The following NRK variants were observed in gnomAD, a reference collection of about 807,000 sequenced individuals.
The protein encoded by NRK is nik-related protein kinase.
Under a neutral mutation model 125.2 loss-of-function variants are expected in NRK, and 67 were observed. That is an observed-to-expected ratio of 0.54 (90% CI 0.44 to 0.66). The LOEUF (loss-of-function observed/expected upper bound fraction) is 0.66, where lower values mean the gene tolerates loss of function less well. Among genes scored for constraint, NRK ranks in the 30% least tolerant of loss-of-function variants. NRK has a pLI of 0.00. For missense variants in NRK, 1,224 were observed against 1,192.9 expected, an observed-to-expected ratio of 1.03 and a Z score of -0.38; for synonymous variants, 458 against 429.0, an observed-to-expected ratio of 1.07 and a Z score of -0.84.
At chrX:105,905,008 T>C (rs1480884442) in intron 9 of NRK, among the ~76,000 whole-genome samples, 1 of 112,599 alleles carries the variant, frequency 8.9e-6, no homozygotes. Flanking sequence ...CAACTATACA[T>C]TTCAAATATT....
intron 2 of NRK, among the ~76,000 whole-genome samples, chrX:105,844,438 G>C (rs777247653): frequency 8.9e-6 from 1 of 112,006 alleles, no homozygotes; most frequent in African/African-American, 3.2e-5. Context: ...CAAAATGTTT[G>C]TTGGAATCTG....
chrX:105,844,519 A>G (rs2039376270), intron 2 of NRK, among the ~76,000 whole-genome samples: 1 of 112,227 alleles, frequency 8.9e-6, no homozygotes, highest in South Asian at 3.7e-4. Context: ...GGGACTTCTC[A>G]GGCAGATCTG....
chrX:105,909,169 C>A lies in NRK; in HGVS notation c.1528C>A (p.Pro510Thr). ...GCAGGCCCAGACCCAGACATCAGAACCACAAGATTTGGACCAGGTACCAGA... is the reference window on the plus strand; with the variant it reads ...GCAGGCCCAGACCCAGACATCAGAAACACAAGATTTGGACCAGGTACCAGA... ...KQQAQTQTSE[P>T]QDLDQVPEEF... Residue 510 changes from proline (P) to threonine (T), a missense_variant, in exon 13 of 29, where the codon CCA (proline) becomes ACA (threonine). Coordinates refer to ENST00000243300, the MANE Select transcript of NRK (RefSeq NM_198465.4). 1 of 1,211,256 alleles carries A rather than the reference C, an allele frequency of 8.3e-7. No individual in the cohort carries two copies. The highest frequency in any genetic ancestry group is 1.1e-6 in the Non-Finnish European group (1 of 895,240).
chrX:105,900,525 C>T, intron 8 of NRK, 93 bp from the exon 9 acceptor site: 1 of 547,587 alleles, frequency 1.8e-6, no homozygotes, highest in Non-Finnish European at 3.1e-6. Flanking sequence ...CTGGCATTGA[C>T]ATCCACACCC....
chrX:105,949,755 T>G lies in NRK; in HGVS notation c.4513+21T>G. The G allele has an allele frequency of 2.8e-6, 3 of 1,076,772 alleles. No individual in the cohort carries two copies. The South Asian group carries it at 6.6e-5, about 24-fold the overall frequency. 88.7% of individuals were successfully genotyped at this position (1,076,772 alleles called of 1,213,427 possible). A position where few individuals can be genotyped will look rare whatever the true frequency, so the allele number is the denominator to read the frequency against. ...TATAGGTATGTATACAATTTATTTCTTCTTCAGGACCCCAGAGAAAATTTA... is the reference window on the plus strand; with the variant it reads ...TATAGGTATGTATACAATTTATTTCGTCTTCAGGACCCCAGAGAAAATTTA... On this transcript the variant is annotated intron_variant, in intron 27 of 28. Coordinates refer to ENST00000243300, the MANE Select transcript of NRK (RefSeq NM_198465.4).
In NRK at chrX:105,885,800, A is replaced by G. The variant is rs779726654; in HGVS notation, c.253-2494A>G. Among the ~76,000 whole-genome samples the G allele has an allele frequency of 4.5e-5, 5 of 112,188 alleles. No individual in the cohort carries two copies. The South Asian group carries it at 1.8e-3, about 41-fold the overall frequency. On this transcript the variant is annotated intron_variant, in intron 4 of 28. Transcript: ENST00000243300. Reference sequence around the variant, plus strand: ...CGGAGTAATTCAAAGAAGTCAAATAACAATGATATTTTGTGATAATACATT... The same window carrying G: ...CGGAGTAATTCAAAGAAGTCAAATAGCAATGATATTTTGTGATAATACATT...
In NRK at chrX:105,905,300, G is replaced by A. The variant is rs879071844; in HGVS notation, c.802G>A (p.Val268Ile). ...CCTTCAACCCTTGGAAGCTCTCTTC[G>A]TTATTTTGCGGGAATCTGCTCCCAC... ...CNLQPLEALF[V>I]ILRESAPTVK... The change falls in exon 10 of 29, where the codon GTT becomes ATT. Residue 268 changes from valine to isoleucine, a missense_variant. Transcript: ENST00000243300. 9.1e-6 allele frequency: 11 copies of A among 1,205,149 alleles called. No homozygotes were observed. Among genetic ancestry groups the A allele is most frequent in the Middle Eastern group, 2.3e-4 (1 of 4,367 alleles).
intron 2 of NRK, among the ~76,000 whole-genome samples, chrX:105,870,985 A>G (rs186333188): frequency 9.5e-4 from 106 of 111,808 alleles, no homozygotes; most frequent in Non-Finnish European, 1.6e-3. Flanking sequence ...GGGTATGTTA[A>G]GAAAAAAAAA....
In NRK at chrX:105,908,261, G is replaced by A. The variant is rs2040244526; in HGVS notation, c.1043G>A (p.Arg348Lys). Reference sequence around the variant, plus strand: ...AAAGGAATACCTTTGATCTTTGAAAGAGAAGAAGCTATTAAGGAACAGTAC... The same window carrying A: ...AAAGGAATACCTTTGATCTTTGAAAAAGAAGAAGCTATTAAGGAACAGTAC... Reference protein sequence around the residue: ...QKKGIPLIFEREEAIKEQYTV... With the variant: ...QKKGIPLIFEKEEAIKEQYTV... Residue 348 changes from arginine (R) to lysine (K), a missense_variant, in exon 12 of 29, where the codon AGA becomes AAA. Arg to Lys is a conservative substitution (Grantham distance 26). Transcript: ENST00000243300. 2.7e-6 allele frequency: 3 copies of A among 1,105,656 alleles called. No homozygotes were observed. The highest frequency in any genetic ancestry group is 3.8e-5 in the African/African-American group (2 of 53,274). 91.1% of individuals were successfully genotyped at this position (1,105,656 alleles called of 1,213,427 possible).
upstream of NRK, among the ~76,000 whole-genome samples, chrX:105,822,207 C>G (rs2039028715): frequency 1.8e-5 from 2 of 110,432 alleles, no homozygotes; most frequent in Admixed American, 1.9e-4. Flanking sequence ...GGGAGCGGCG[C>G]GGAGCGAGAC....
At chrX:105,826,247 TATG>T (rs2039099572) in intron 1 of NRK, among the ~76,000 whole-genome samples, 1 of 85,021 alleles carries the variant, frequency 1.2e-5, no homozygotes, top group Middle Eastern at 5.6e-3. Flanking sequence ...ATATAATATA[TATG>T]ATAATATATA....
At chrX:105,895,329 T>A (rs1195957532) in intron 6 of NRK, 104 bp from the exon 7 acceptor site, 2 of 620,309 alleles carry the variant, frequency 3.2e-6, no homozygotes, top group Non-Finnish European at 2.7e-6. Flanking sequence ...GTTTCTCTTA[T>A]CAAAAGTTTT....
At chrX:105,919,990 A>T (rs1485907969) in intron 16 of NRK, among the ~76,000 whole-genome samples, 32 of 103,493 alleles carry the variant, frequency 3.1e-4, no homozygotes, top group Admixed American at 1.1e-4. Flanking sequence ...CTGAATGGTA[A>T]TGCCTAGGTT....
At chrX:105,921,858 G>GAA in intron 16 of NRK, 106 bp from the exon 17 acceptor site, 23 of 302,390 alleles carry the variant, frequency 7.6e-5, no homozygotes, top group Admixed American at 1.1e-4. Flanking sequence ...AAATGACCAA[G>GAA]AAAAAAAAAA....
At chrX:105,870,882 G>A (rs1009275213) in intron 2 of NRK, among the ~76,000 whole-genome samples, 1 of 111,527 alleles carries the variant, frequency 9.0e-6, no homozygotes, top group Admixed American at 9.5e-5. Context: ...TATTCTGTTG[G>A]ATTATTCTGG....
intron 1 of NRK, among the ~76,000 whole-genome samples, chrX:105,826,401 A>AATATATATATAAT (rs2039113536): frequency 1.3e-5 from 1 of 77,849 alleles, no homozygotes; most frequent in African/African-American, 4.9e-5. Context: ...ATATATATAT[A>AATATATATATAAT]ATATATATAT....
chrX:105,927,720 T>C (rs968229779), intron 19 of NRK, among the ~76,000 whole-genome samples: 1 of 111,476 alleles, frequency 9.0e-6, no homozygotes, highest in African/African-American at 3.2e-5. Flanking sequence ...CTTTTTTTGG[T>C]ATCTTTTCAC....
intron 11 of NRK, among the ~76,000 whole-genome samples, chrX:105,906,886 T>C (rs1468656274): frequency 9.2e-6 from 1 of 108,789 alleles, no homozygotes; most frequent in Non-Finnish European, 1.9e-5. Context: ...AATAAAGTTT[T>C]GTGATATGCC....
At chrX:105,925,760 G>T (rs1346239245) in intron 19 of NRK, among the ~76,000 whole-genome samples, 1 of 111,413 alleles carries the variant, frequency 9.0e-6, no homozygotes, top group African/African-American at 3.3e-5. Flanking sequence ...CATCCATGTT[G>T]CTGCAAATCA....
Sources: gnomAD v4.1 joint callset for allele counts (sites outside exome capture counted in the v4.1 genomes callset) on GRCh38, gnomAD v4.1.1 for gene constraint, MANE v1.5 for transcripts, NCBI Gene and HGNC (gene_info 2026-07-23, HGNC 2026-07-21) for gene names.